Variants in ERC2 observed in about 807,000 individuals in gnomAD.
ERC2 encodes ELKS/RAB6-interacting/CAST family member 2, also known as ERC protein 2.
A neutral mutation model predicts 114.8 loss-of-function variants in ERC2; 42 were observed. The observed-to-expected ratio is 0.37, with a 90% confidence interval of 0.29 to 0.47. The LOEUF (loss-of-function observed/expected upper bound fraction) is 0.47. ERC2 is among the 20% of genes least tolerant of loss of function. ERC2 has a pLI of 0.99. For missense variants in ERC2, 939 were observed against 1,150.7 expected, an observed-to-expected ratio of 0.82 and a Z score of 2.66; for synonymous variants, 454 against 425.5, an observed-to-expected ratio of 1.07 and a Z score of -0.82.
chr3:55,737,481 A>G (rs2065707656), intron 14 of ERC2, among the ~76,000 whole-genome samples: 1 of 152,174 alleles, frequency 6.6e-6, no homozygotes. Flanking sequence ...CCTATTTGCT[A>G]TCTGCTATTC....
At chr3:55,636,814 T>G (rs2059976460) in intron 17 of ERC2, among the ~76,000 whole-genome samples, 1 of 152,244 alleles carries the variant, frequency 6.6e-6, no homozygotes, top group South Asian at 2.1e-4. Context: ...TGCAGACCTC[T>G]GTTCTAAAGG....
intron 17 of ERC2, among the ~76,000 whole-genome samples, chr3:55,627,717 G>T (rs1198429157): frequency 2.6e-5 from 4 of 152,076 alleles, no homozygotes; most frequent in African/African-American, 9.7e-5. Flanking sequence ...CATCACAAAA[G>T]AAAGTGTCTT....
chr3:56,415,465 C>A (rs113989923), intron 2 of ERC2, among the ~76,000 whole-genome samples: 1 of 152,274 alleles, frequency 6.6e-6, no homozygotes, highest in Non-Finnish European at 1.5e-5. Flanking sequence ...AGTCCGAATG[C>A]TGAAAGTAAG....
intron 3 of ERC2, among the ~76,000 whole-genome samples, chr3:56,250,451 G>C (rs138341709): frequency 1.3e-5 from 2 of 152,302 alleles, no homozygotes; most frequent in Non-Finnish European, 2.9e-5. Flanking sequence ...TCTTTTCCTG[G>C]AATAAGATCT....
At chr3:56,286,450 A>T (rs1163540120) in intron 3 of ERC2, among the ~76,000 whole-genome samples, 1 of 151,516 alleles carries the variant, frequency 6.6e-6, no homozygotes, top group African/African-American at 2.4e-5. Context: ...GGCAGAAAAA[A>T]ATACCGTTTC....
At chr3:55,797,716 A>G (rs1422458402) in intron 14 of ERC2, among the ~76,000 whole-genome samples, 1 of 152,146 alleles carries the variant, frequency 6.6e-6, no homozygotes, top group Non-Finnish European at 1.5e-5. Flanking sequence ...CATATTATGC[A>G]TATATATATT....
At chr3:55,823,573 C>T (rs552600917) in intron 14 of ERC2, among the ~76,000 whole-genome samples, 176 of 152,200 alleles carry the variant, frequency 1.2e-3, no homozygotes, top group African/African-American at 2.9e-3. Context: ...TTGAGAGGGA[C>T]GGAGAAGGAA....
chr3:56,159,004 T>C (rs941190654), intron 4 of ERC2, among the ~76,000 whole-genome samples: 1 of 152,148 alleles, frequency 6.6e-6, no homozygotes, highest in African/African-American at 2.4e-5. Context: ...TTCTCATGAA[T>C]GGTTTAGCAC....
intron 6 of ERC2, among the ~76,000 whole-genome samples, chr3:56,109,718 G>A (rs774190451): frequency 1.2e-4 from 18 of 152,160 alleles, no homozygotes; most frequent in Non-Finnish European, 2.1e-4. Flanking sequence ...TCCAACTGCA[G>A]TGTTGAAATT....
intron 13 of ERC2, among the ~76,000 whole-genome samples, chr3:55,894,578 C>G (rs533397330): frequency 1.3e-5 from 2 of 152,286 alleles, no homozygotes; most frequent in South Asian, 4.1e-4. Flanking sequence ...CAAACTTCAT[C>G]CCCCTTCTTC....
intron 3 of ERC2, among the ~76,000 whole-genome samples, chr3:56,279,871 T>C (rs1869159): frequency 0.35 from 53,493 of 151,998 alleles, 10,261 homozygotes; most frequent in Middle Eastern, 0.45. Context: ...TAGTGATATA[T>C]TGGATACAGA....
chr3:56,174,082 G>T (rs1192784780), intron 3 of ERC2, among the ~76,000 whole-genome samples: 1 of 152,156 alleles, frequency 6.6e-6, no homozygotes, highest in Admixed American at 6.5e-5. Context: ...ACATCTGTGG[G>T]TGATATATTT....
chr3:55,976,166 G>T (rs1353764120), intron 12 of ERC2, among the ~76,000 whole-genome samples: 1 of 152,114 alleles, frequency 6.6e-6, no homozygotes, highest in East Asian at 1.9e-4. Flanking sequence ...AGTTAGCCAG[G>T]GATCTCGATT....
intron 2 of ERC2, among the ~76,000 whole-genome samples, chr3:56,319,819 C>A (rs1028430518): frequency 3.3e-5 from 5 of 151,918 alleles, no homozygotes; most frequent in Non-Finnish European, 5.9e-5. Context: ...AAAAACAAAC[C>A]AACAACAGCA....
chr3:56,317,121 C>T (rs1576407089), intron 2 of ERC2, among the ~76,000 whole-genome samples: 1 of 152,106 alleles, frequency 6.6e-6, no homozygotes, highest in East Asian at 1.9e-4. Context: ...AGGATGGGAG[C>T]AAAAGGGAAT....
intron 2 of ERC2, among the ~76,000 whole-genome samples, chr3:56,351,194 T>C (rs367998518): frequency 2.0e-5 from 3 of 152,252 alleles, no homozygotes; most frequent in African/African-American, 7.2e-5. Flanking sequence ...AAAACATTCA[T>C]TCTAAAAAAG....
chr3:55,680,618 G>T (rs533985961), intron 17 of ERC2, among the ~76,000 whole-genome samples: 3 of 152,336 alleles, frequency 2.0e-5, no homozygotes, highest in East Asian at 3.9e-4. Context: ...TTTCACAATT[G>T]AAAGTATGTG....
intron 17 of ERC2, among the ~76,000 whole-genome samples, chr3:55,570,254 G>T (rs537296559): frequency 6.6e-6 from 1 of 152,136 alleles, no homozygotes; most frequent in East Asian, 1.9e-4. Flanking sequence ...CTCCAAAATT[G>T]GTTCTTGTCC....
In ERC2 at chr3:56,296,100, C is replaced by T. The variant is rs762428429; in HGVS notation, c.993G>A (p.Arg331=). ...TGACCTGAGACTCAGCCTCTGCCAT[C>T]CGCCGCGTTCGCTCATTGTCATCCT... ...SLEDDNERTR[R]MAEAESQVSH... Residue 331 remains arginine, a synonymous_variant, in exon 3 of 18, where the codon CGG becomes CGA. Transcript: ENST00000288221. The T allele has an allele frequency of 8.7e-6, 14 of 1,613,786 alleles. No homozygotes were observed. In the South Asian group the frequency reaches 1.5e-4, roughly 18 times the overall value.
Sources: gnomAD v4.1 joint callset for allele counts (sites outside exome capture counted in the v4.1 genomes callset) on GRCh38, gnomAD v4.1.1 for gene constraint, MANE v1.5 for transcripts, NCBI Gene and HGNC (gene_info 2026-07-23, HGNC 2026-07-21) for gene names.